The following NECTIN2 variants were observed in gnomAD, a reference collection of about 807,000 sequenced individuals.
NECTIN2 encodes the protein nectin cell adhesion molecule 2, also known as nectin-2.
NECTIN2 carries 23 observed loss-of-function variants against 56.9 expected under a neutral mutation model. That is an observed-to-expected ratio of 0.40 (90% CI 0.29 to 0.57). NECTIN2 has a LOEUF of 0.57. Among genes scored for constraint, NECTIN2 ranks in the 20% least tolerant of loss-of-function variants. The pLI is 0.38. For missense variants in NECTIN2, 587 were observed against 718.3 expected, an observed-to-expected ratio of 0.82 and a Z score of 2.09; for synonymous variants, 302 against 313.8, an observed-to-expected ratio of 0.96 and a Z score of 0.40.
At chr19:44,879,478 G>C (rs998663018) in intron 5 of NECTIN2, among the ~76,000 whole-genome samples, 1 of 152,022 alleles carries the variant, frequency 6.6e-6, no homozygotes, top group Admixed American at 6.5e-5. Context: ...GGGGCAGGCG[G>C]GGGGTGCTGG....
At chr19:44,860,215 G>T (rs990445080) in intron 1 of NECTIN2, among the ~76,000 whole-genome samples, 3 of 152,140 alleles carry the variant, frequency 2.0e-5, no homozygotes, top group Non-Finnish European at 4.4e-5. Context: ...GGATAAGGGG[G>T]TTACTTAGGG....
chr19:44,864,911 T>A lies in NECTIN2; in HGVS notation c.89-360T>A, dbSNP rs116216639. On this transcript the variant is annotated intron_variant, in intron 1 of 8. Coordinates refer to ENST00000252483, the MANE Select transcript of NECTIN2 (RefSeq NM_001042724.2). ...GACAATGGGTGACATATTTTGGTTTTTGCTGAACCATTTAGGAGTAACTTG... is the reference window on the plus strand; with the variant it reads ...GACAATGGGTGACATATTTTGGTTTATGCTGAACCATTTAGGAGTAACTTG... Among the ~76,000 whole-genome samples, 329 of 152,292 alleles carry A rather than the reference T, an allele frequency of 2.2e-3. 1 individual carries two copies. The highest frequency in any genetic ancestry group is 6.8e-3 in the Middle Eastern group (2 of 294).
intron 1 of NECTIN2, among the ~76,000 whole-genome samples, chr19:44,858,103 C>A (rs1298592227): frequency 6.6e-6 from 1 of 152,150 alleles, no homozygotes; most frequent in Non-Finnish European, 1.5e-5. Context: ...ACTGTACAGT[C>A]TCCCTGGGCC....
intron 8 of NECTIN2, among the ~76,000 whole-genome samples, chr19:44,887,350 A>G (rs1969372273): frequency 6.6e-6 from 1 of 151,782 alleles, no homozygotes; most frequent in Admixed American, 6.6e-5. Context: ...CTCCGTCTCA[A>G]AAAAGAAAAA....
intron 2 of NECTIN2, among the ~76,000 whole-genome samples, chr19:44,869,592 C>CAAAAAA (rs774822564): frequency 1.0e-3 from 54 of 53,746 alleles, no homozygotes; most frequent in Non-Finnish European, 1.1e-3. Flanking sequence ...GACTCCATCT[C>CAAAAAA]AAAAAAAAAA....
chr19:44,874,675 T>C lies in NECTIN2; in HGVS notation c.1042+197T>C. 1.6e-6 allele frequency: 1 copy of C among 638,622 alleles called. No homozygotes were observed. The highest frequency in any genetic ancestry group is 2.7e-6 in the Non-Finnish European group (1 of 374,594). The allele number at this position is 638,622 out of a possible 1,614,324, so 39.6% of individuals were successfully genotyped here. ...GGGGTCTGGATTTGGGGTGTCGGGG[T>C]AGGTGAAGGCAGCAGAGTTGGGGGG... On this transcript the variant is annotated intron_variant, in intron 5 of 8. Coordinates refer to ENST00000252483, the MANE Select transcript of NECTIN2 (RefSeq NM_001042724.2). The surrounding 1 kb of genome is among the most constrained non-coding windows in gnomAD (Gnocchi z 6.3).
chr19:44,874,202 C>A lies in NECTIN2; in HGVS notation c.894-128C>A. 2 of 1,329,980 alleles carry A rather than the reference C, an allele frequency of 1.5e-6. No individual in the cohort carries two copies. Among genetic ancestry groups the A allele is most frequent in the South Asian group, 1.3e-5 (1 of 76,240 alleles). The allele number at this position is 1,329,980 out of a possible 1,614,324, so 82.4% of individuals were successfully genotyped here. A position where few individuals can be genotyped will look rare whatever the true frequency, so the allele number is the denominator to read the frequency against. On this transcript the variant is annotated intron_variant, in intron 4 of 8. Transcript: ENST00000252483. This position sits in a 1 kb window ranked among gnomAD's most constrained non-coding sequence, Gnocchi z 6.3. ...AGGATGAAGGGAGCTTGCATTTTGG[C>A]AATTTGGGGTCTCCGGGAGTACTTA... is the stretch of plus-strand genomic sequence containing the variant.
rs1297446216 is a variant in NECTIN2, at chr19:44,874,475, C to T, written c.1039C>T (p.Arg347Ter). Residue 347 changes from arginine to a stop codon, truncating the protein, a stop_gained, in exon 5 of 9, where the codon CGA becomes TGA. Transcript: ENST00000252483. LOFTEE classifies it high-confidence loss of function. The surrounding 1 kb of genome is among the most constrained non-coding windows in gnomAD (Gnocchi z 6.3). ...MGRAEQVIFV[R>*]ETPNTAGAGA... ...CCGCGCTGAGCAGGTCATCTTTGTCCGAGGTGAGTGGGTCTTGGGGGCCGT... is the reference window on the plus strand; with the variant it reads ...CCGCGCTGAGCAGGTCATCTTTGTCTGAGGTGAGTGGGTCTTGGGGGCCGT... 2 of 1,613,352 alleles carry T rather than the reference C, an allele frequency of 1.2e-6. No homozygotes were observed. The highest frequency in any genetic ancestry group is 1.7e-6 in the Non-Finnish European group (2 of 1,180,008).
chr19:44,850,509 GT>G (rs1284373854), intron 1 of NECTIN2, among the ~76,000 whole-genome samples: 2 of 152,080 alleles, frequency 1.3e-5, no homozygotes, highest in South Asian at 4.1e-4. Flanking sequence ...GCCAAAGGTG[GT>G]GGTGTGTGCC....
chr19:44,887,976 A>C (rs1969379020), intron 8 of NECTIN2, 134 bp from the exon 9 acceptor site: 3 of 931,490 alleles, frequency 3.2e-6, no homozygotes, highest in South Asian at 3.2e-5. Flanking sequence ...ATATGGCCTC[A>C]GGGGACAAGG....
chr19:44,848,321 G>C (rs1242669379), intron 1 of NECTIN2, among the ~76,000 whole-genome samples: 3 of 152,148 alleles, frequency 2.0e-5, no homozygotes, highest in African/African-American at 7.2e-5. Context: ...AACAGGTCCT[G>C]TTTCTGTTTC....
intron 3 of NECTIN2, among the ~76,000 whole-genome samples, chr19:44,873,383 A>G (rs539744240): frequency 4.6e-5 from 7 of 152,288 alleles, no homozygotes; most frequent in African/African-American, 1.7e-4. Context: ...CTGCAATCCC[A>G]GCACTTTGGG....
At chr19:44,856,647 G>C (rs1260143991) in intron 1 of NECTIN2, among the ~76,000 whole-genome samples, 1 of 152,092 alleles carries the variant, frequency 6.6e-6, no homozygotes, top group East Asian at 1.9e-4. Flanking sequence ...TAACCACCCT[G>C]ATCCCAACCT....
rs1969388256 is a variant in NECTIN2, at chr19:44,888,706, A to G, written c.*327A>G. On this transcript the variant is annotated 3_prime_UTR_variant, in exon 9 of 9. Coordinates refer to ENST00000252483, the MANE Select transcript of NECTIN2 (RefSeq NM_001042724.2). The stretch of plus-strand genomic sequence containing the variant: ...CCCCCAATGCCTCGACTCCCCCAAA[A>G]TCACAAAGAAGACCCTAGACCTATA... 1 of 320,086 alleles carries G rather than the reference A, an allele frequency of 3.1e-6. No homozygotes were observed. Among genetic ancestry groups the G allele is most frequent in the Admixed American group, 4.3e-5 (1 of 23,424 alleles). The allele number at this position is 320,086 out of a possible 1,614,324, so 19.8% of individuals were successfully genotyped here.
intron 5 of NECTIN2, among the ~76,000 whole-genome samples, chr19:44,877,352 G>A (rs967676284): frequency 6.6e-6 from 1 of 152,186 alleles, no homozygotes; most frequent in Non-Finnish European, 1.5e-5. Flanking sequence ...CTGGCTTGGG[G>A]CCCAGGAGCC....
chr19:44,864,284 C>G (rs1040689062), intron 1 of NECTIN2, among the ~76,000 whole-genome samples: 3 of 151,942 alleles, frequency 2.0e-5, no homozygotes, highest in African/African-American at 7.2e-5. Flanking sequence ...CCACTGCACT[C>G]TAGCCTGGGT....
At chr19:44,864,189 A>C (rs952490272) in intron 1 of NECTIN2, among the ~76,000 whole-genome samples, 1 of 151,552 alleles carries the variant, frequency 6.6e-6, no homozygotes, top group African/African-American at 2.4e-5. Flanking sequence ...AACAAACAAA[A>C]AATACAAATT....
chr19:44,876,877 A>C (rs935073237), intron 5 of NECTIN2, among the ~76,000 whole-genome samples: 15 of 152,070 alleles, frequency 9.9e-5, no homozygotes, highest in Non-Finnish European at 1.2e-4. Flanking sequence ...CAGCACACTA[A>C]GCCTGATTCA....
rs1568602128 is a variant in NECTIN2, at chr19:44,888,339, A to G, written c.1577A>G (p.Gln526Arg). The change falls in exon 9 of 9, where the codon CAG becomes CGG. Residue 526 changes from glutamine to arginine, a missense_variant. Coordinates refer to ENST00000252483, the MANE Select transcript of NECTIN2 (RefSeq NM_001042724.2). ...TATAGCAGCCCCTCTGATTCCTACC[A>G]GGGCAAAGGCTTTGTCATGTCCCGG... Reference protein sequence around the residue: ...LSYSSPSDSYQGKGFVMSRAM... With the variant: ...LSYSSPSDSYRGKGFVMSRAM... 1.2e-6 allele frequency: 2 copies of G among 1,613,868 alleles called. No homozygotes were observed. The highest frequency in any genetic ancestry group is 1.7e-6 in the Non-Finnish European group (2 of 1,179,818).
Sources: allele counts gnomAD v4.1 joint callset (sites outside exome capture counted in the v4.1 genomes callset), GRCh38; gene constraint gnomAD v4.1.1; non-coding constraint Gnocchi (gnomAD v3.1); transcripts MANE v1.5; gene names NCBI Gene and HGNC (gene_info 2026-07-23, HGNC 2026-07-21).